The following PACRG variants were observed in gnomAD, a reference collection of about 807,000 sequenced individuals.
The protein encoded by PACRG is parkin coregulated, also known as parkin coregulated gene protein.
Under a neutral mutation model 29.7 loss-of-function variants are expected in PACRG, and 29 were observed. The ratio of observed to expected loss-of-function variants is 0.98; its 90% confidence interval spans 0.73 to 1.33. PACRG has a LOEUF of 1.33. Among genes scored for constraint, PACRG ranks in the 40% most tolerant of loss-of-function variants. The probability of loss-of-function intolerance (pLI) is 0.00; values close to 1 mark genes in which losing one functional copy is unlikely to be tolerated. For missense variants in PACRG, 279 were observed against 316.2 expected (o/e 0.88, Z 0.89); for synonymous variants, 116 against 118.7 (o/e 0.98, Z 0.15).
chr6:162,850,510 AG>A (rs1259628497), intron 2 of PACRG, among the ~76,000 whole-genome samples: 1 of 152,120 alleles, frequency 6.6e-6, no homozygotes, highest in African/African-American at 2.4e-5. Context: ...GGGAGGGGAG[AG>A]GGGCTGAGGG....
rs190887039 is a variant in PACRG, at chr6:163,237,207, T to A, written c.614-77620T>A. On this transcript the variant is annotated intron_variant, in intron 4 of 4. Transcript: ENST00000366888. ...TCAAACCTAAATATATATCAGTGGT[T>A]TGATTGGCTAGTTGGTGGGTGGGGT... 7.7e-3 allele frequency among the ~76,000 whole-genome samples: 1,180 copies of A among 152,332 alleles called. 9 individuals carry two copies. Among genetic ancestry groups the A allele is most frequent in the Middle Eastern group, 0.014 (4 of 294 alleles).
At chr6:162,737,413 A>G (rs1314747653) in intron 1 of PACRG, among the ~76,000 whole-genome samples, 1 of 152,226 alleles carries the variant, frequency 6.6e-6, no homozygotes, top group Non-Finnish European at 1.5e-5. Flanking sequence ...ATCTGGGTAC[A>G]TAGTATGATG....
At chr6:163,143,168 C>T (rs1483049306) in intron 4 of PACRG, among the ~76,000 whole-genome samples, 1 of 152,148 alleles carries the variant, frequency 6.6e-6, no homozygotes. Context: ...GCTCTCTGTA[C>T]TATCTTTGCA....
At chr6:163,071,317 C>CA (rs1261585257) in intron 3 of PACRG, among the ~76,000 whole-genome samples, 1 of 151,928 alleles carries the variant, frequency 6.6e-6, no homozygotes, top group East Asian at 1.9e-4. Context: ...TTAAAACATT[C>CA]AAAAAAATTC....
At chr6:162,748,854 C>T (rs1464645396) in intron 1 of PACRG, among the ~76,000 whole-genome samples, 1 of 152,016 alleles carries the variant, frequency 6.6e-6, no homozygotes, top group African/African-American at 2.4e-5. Flanking sequence ...AACAATAAAC[C>T]ATATATATTA....
chr6:162,818,423 A>G (rs1787540334), intron 2 of PACRG, among the ~76,000 whole-genome samples: 1 of 152,122 alleles, frequency 6.6e-6, no homozygotes, highest in Non-Finnish European at 1.5e-5. Context: ...GGTTTTCCAT[A>G]TGGGCACCTG....
chr6:163,254,968 G>A (rs914521993), intron 4 of PACRG, among the ~76,000 whole-genome samples: 16 of 152,224 alleles, frequency 1.1e-4, no homozygotes, highest in African/African-American at 2.2e-4. Flanking sequence ...CACAAGCCAC[G>A]GGCTTTCTAC....
At chr6:162,934,269 A>G in intron 2 of PACRG, among the ~76,000 whole-genome samples, 1 of 151,800 alleles carries the variant, frequency 6.6e-6, no homozygotes, top group African/African-American at 2.4e-5. Flanking sequence ...TCAAAAAAAA[A>G]AAATAAATAA....
chr6:162,791,897 G>A (rs1784979072), intron 1 of PACRG, among the ~76,000 whole-genome samples: 1 of 152,134 alleles, frequency 6.6e-6, no homozygotes, highest in Admixed American at 6.5e-5. Flanking sequence ...TCCTGCAGGA[G>A]GCTCCTGTGT....
At chr6:162,970,840 GC>G (rs869107100) in intron 2 of PACRG, among the ~76,000 whole-genome samples, 5 of 101,986 alleles carry the variant, frequency 4.9e-5, no homozygotes, top group Admixed American at 1.8e-4. Flanking sequence ...TACTGGCATT[GC>G]CCCTGTCACC....
chr6:163,226,165 A>G (rs1317100724), intron 4 of PACRG, among the ~76,000 whole-genome samples: 1 of 152,278 alleles, frequency 6.6e-6, no homozygotes, highest in Non-Finnish European at 1.5e-5. Context: ...TCAAATTCAT[A>G]GAAGCAGAGA....
At chr6:163,095,563 C>T in intron 4 of PACRG, 1 of 527,748 alleles carries the variant, frequency 1.9e-6, no homozygotes, top group South Asian at 8.4e-5. Context: ...CCAGCTCTCA[C>T]TGCAGGCTCC....
At chr6:163,086,834 T>C (rs1463202442) in intron 3 of PACRG, among the ~76,000 whole-genome samples, 1 of 152,076 alleles carries the variant, frequency 6.6e-6, no homozygotes, top group African/African-American at 2.4e-5. Context: ...GAAAATAAGG[T>C]ATCATTTAGT....
At chr6:162,867,130 C>G (rs1433109820) in intron 2 of PACRG, among the ~76,000 whole-genome samples, 3 of 152,154 alleles carry the variant, frequency 2.0e-5, no homozygotes, top group Non-Finnish European at 4.4e-5. Context: ...GCCAGCGGCT[C>G]AGTACCAAAT....
At chr6:163,084,927 C>T (rs912441902) in intron 3 of PACRG, among the ~76,000 whole-genome samples, 2 of 139,498 alleles carry the variant, frequency 1.4e-5, no homozygotes, top group Non-Finnish European at 3.1e-5. Flanking sequence ...GGGCAAACTT[C>T]TTCTCTCACA....
intron 4 of PACRG, among the ~76,000 whole-genome samples, chr6:163,149,829 GT>G (rs1291782439): frequency 6.6e-6 from 1 of 152,172 alleles, no homozygotes; most frequent in East Asian, 1.9e-4. Flanking sequence ...CCCACCCTGC[GT>G]TTCCTACCTG....
intron 2 of PACRG, among the ~76,000 whole-genome samples, chr6:162,869,007 A>G (rs543375719): frequency 1.3e-5 from 2 of 152,288 alleles, no homozygotes; most frequent in East Asian, 3.9e-4. Context: ...ACACAGAGGG[A>G]CGATGACATG....
At chr6:163,211,100 C>CT (rs11444292) in intron 4 of PACRG, among the ~76,000 whole-genome samples, 3,669 of 152,108 alleles carry the variant, frequency 0.024, 147 homozygotes, top group African/African-American at 0.083. Context: ...CTCCCACCAC[C>CT]TTTTTTTTAA....
chr6:163,024,804 A>G (rs1806967864), intron 2 of PACRG, among the ~76,000 whole-genome samples: 1 of 152,164 alleles, frequency 6.6e-6, no homozygotes, highest in African/African-American at 2.4e-5. Context: ...ATCCCTCATG[A>G]ACATAGACAC....
Sources: gnomAD v4.1 joint callset for allele counts (sites outside exome capture counted in the v4.1 genomes callset) on GRCh38, gnomAD v4.1.1 for gene constraint, MANE v1.5 for transcripts, NCBI Gene and HGNC (gene_info 2026-07-23, HGNC 2026-07-21) for gene names.